The following USP3 variants were observed in gnomAD, a reference collection of about 807,000 sequenced individuals.
The protein encoded by USP3 is ubiquitin carboxyl-terminal hydrolase 3.
In USP3, 20 loss-of-function variants were observed where a neutral mutation model predicts 72.3. The observed-to-expected ratio is 0.28, with a 90% confidence interval of 0.19 to 0.40. The LOEUF (loss-of-function observed/expected upper bound fraction) is 0.40. Among genes scored for constraint, USP3 ranks in the 10% least tolerant of loss-of-function variants. The probability of loss-of-function intolerance (pLI) is 1.00; values close to 1 mark genes in which losing one functional copy is unlikely to be tolerated. For synonymous variants in USP3, 222 were observed against 225.3 expected (o/e 0.99, Z 0.13); for missense variants, 479 against 633.9 (o/e 0.76, Z 2.62).
Position 63,550,753 on chromosome 15 carries a change from G to A in USP3, c.285-2962G>A, listed in dbSNP as rs188621688. Among the ~76,000 whole-genome samples the A allele has an allele frequency of 1.0e-3, 153 of 152,200 alleles. 1 individual carries two copies. Among genetic ancestry groups the A allele is most frequent in the African/African-American group, 3.4e-3 (141 of 41,532 alleles). On this transcript the variant is annotated intron_variant, in intron 3 of 14. Transcript: ENST00000380324. ...GTGTCTCAAAGATTTTTCACTTTCCGTAAAATATCTTTTTAACTTTTTTCC... is the reference window on the plus strand; with the variant it reads ...GTGTCTCAAAGATTTTTCACTTTCCATAAAATATCTTTTTAACTTTTTTCC...
chr15:63,513,097 A>G (rs532203504), intron 1 of USP3, among the ~76,000 whole-genome samples: 2 of 152,266 alleles, frequency 1.3e-5, no homozygotes, highest in South Asian at 2.1e-4. Context: ...AGCTGTTTCC[A>G]TTCTTGAGTA....
intron 1 of USP3, chr15:63,515,459 G>T: frequency 6.6e-6 from 1 of 152,386 alleles, no homozygotes; most frequent in Non-Finnish European, 1.5e-5. Flanking sequence ...GCCTCTGTGT[G>T]GGAAGTCAGC....
At chr15:63,551,915 T>G (rs1272818494) in intron 3 of USP3, 4 of 152,204 alleles carry the variant, frequency 2.6e-5, no homozygotes, top group African/African-American at 9.7e-5. Context: ...AGTCTGTACT[T>G]TAACAAACGT....
intron 1 of USP3, 120 bp downstream of exon 1, chr15:63,504,950 GC>G: frequency 1.4e-6 from 1 of 696,926 alleles, no homozygotes; most frequent in South Asian, 6.5e-5. Flanking sequence ...GGCGAGCCGG[GC>G]CCGGCGGGCT....
At chr15:63,512,356 T>TCTTCCTCCTCTTCC (rs1567089144) in intron 1 of USP3, among the ~76,000 whole-genome samples, 5 of 43,318 alleles carry the variant, frequency 1.2e-4, no homozygotes, top group African/African-American at 3.6e-4. Context: ...CCTCTTCCTC[T>TCTTCCTCCTCTTCC]TCTTCTTCTT....
At chr15:63,524,932 G>T (rs1236058202) in intron 1 of USP3, among the ~76,000 whole-genome samples, 1 of 152,166 alleles carries the variant, frequency 6.6e-6, no homozygotes, top group African/African-American at 2.4e-5. Context: ...TCTCTCCATG[G>T]GAAGAATGTC....
At chr15:63,524,837 G>A (rs535623939) in intron 1 of USP3, among the ~76,000 whole-genome samples, 2 of 152,294 alleles carry the variant, frequency 1.3e-5, no homozygotes, top group South Asian at 4.1e-4. Flanking sequence ...GTTGCAGGTT[G>A]ACATAGAATC....
intron 1 of USP3, among the ~76,000 whole-genome samples, chr15:63,508,535 C>G (rs2065742923): frequency 6.6e-6 from 1 of 152,056 alleles, no homozygotes; most frequent in African/African-American, 2.4e-5. Context: ...CTAATTGTTG[C>G]TTAAGGGATT....
At chr15:63,551,384 G>A (rs1049137932) in intron 3 of USP3, 6 of 151,238 alleles carry the variant, frequency 4.0e-5, no homozygotes, top group Non-Finnish European at 8.8e-5. Context: ...TAATTTTTAA[G>A]CTAAAAAAAT....
At chr15:63,573,481 T>C (rs1345303619) in intron 9 of USP3, among the ~76,000 whole-genome samples, 2 of 152,396 alleles carry the variant, frequency 1.3e-5, no homozygotes, top group Non-Finnish European at 2.9e-5. Context: ...TTCTCCGCAG[T>C]AATATCCAGA....
At chr15:63,507,183 T>G (rs2152645268) in intron 1 of USP3, among the ~76,000 whole-genome samples, 1 of 152,302 alleles carries the variant, frequency 6.6e-6, no homozygotes, top group East Asian at 1.9e-4. Flanking sequence ...GATTATGTTC[T>G]TATTAAGGAG....
chr15:63,545,720 A>G (rs2066311418), intron 3 of USP3, among the ~76,000 whole-genome samples: 1 of 152,076 alleles, frequency 6.6e-6, no homozygotes, highest in African/African-American at 2.4e-5. Context: ...CTGTAATCCC[A>G]GCACATTGGG....
intron 1 of USP3, among the ~76,000 whole-genome samples, chr15:63,527,018 C>T (rs796448596): frequency 5.9e-5 from 9 of 152,322 alleles, no homozygotes; most frequent in East Asian, 1.9e-4. Context: ...CCTCAGCCTC[C>T]GGAGCAGCAG....
At chr15:63,534,807 G>T (rs2066130487) in intron 2 of USP3, among the ~76,000 whole-genome samples, 1 of 152,096 alleles carries the variant, frequency 6.6e-6, no homozygotes. Context: ...CTGTAGCAAT[G>T]AATTACTGTT....
At chr15:63,560,816 A>G (rs181319017) in intron 7 of USP3, among the ~76,000 whole-genome samples, 20 of 152,298 alleles carry the variant, frequency 1.3e-4, no homozygotes, top group Admixed American at 1.2e-3. Flanking sequence ...CACATTTTTC[A>G]TAACTTTACA....
In USP3 at chr15:63,580,416, T is replaced by TA. The variant is rs1056696229; in HGVS notation, c.1096+6019dup. On this transcript the variant is annotated intron_variant, in intron 11 of 14. Coordinates refer to ENST00000380324, the MANE Select transcript of USP3 (RefSeq NM_006537.4). Reference sequence around the variant, plus strand: ...TTTATAATACCTATTTGGGGGATAGTAAAAAATGCATATTAACTTAATGTA... The same window carrying TA: ...TTTATAATACCTATTTGGGGGATAGTAAAAAAATGCATATTAACTTAATGTA... 7.2e-4 allele frequency among the ~76,000 whole-genome samples: 109 copies of TA among 151,928 alleles called. 1 individual carries two copies. The Middle Eastern group carries it at 0.01, about 14-fold the overall frequency.
At chr15:63,520,688 C>T (rs888765740) in intron 1 of USP3, among the ~76,000 whole-genome samples, 1 of 151,356 alleles carries the variant, frequency 6.6e-6, no homozygotes, top group African/African-American at 2.4e-5. Flanking sequence ...CTCAGCCTCC[C>T]GAGTGGCTGG....
Position 63,575,158 on chromosome 15 carries a change from G to T in USP3, c.1096+755G>T, listed in dbSNP as rs796631118. Reference sequence around the variant, plus strand: ...TATTTTAGGGAGTATTGTCATGATGGTTTTTTTTTTTTTTTTTTTTTACAA... The same window carrying T: ...TATTTTAGGGAGTATTGTCATGATGTTTTTTTTTTTTTTTTTTTTTTACAA... On this transcript the variant is annotated intron_variant, in intron 11 of 14. Coordinates refer to ENST00000380324, the MANE Select transcript of USP3 (RefSeq NM_006537.4). Among the ~76,000 whole-genome samples the T allele has an allele frequency of 3.3e-3, 399 of 121,476 alleles. 4 individuals carry two copies. Among genetic ancestry groups the T allele is most frequent in the African/African-American group, 0.012 (375 of 32,318 alleles). 79.7% of individuals were successfully genotyped at this position (121,476 alleles called of 152,430 possible).
At chr15:63,548,040 G>C (rs2066378035) in intron 3 of USP3, among the ~76,000 whole-genome samples, 1 of 123,384 alleles carries the variant, frequency 8.1e-6, no homozygotes, top group Non-Finnish European at 1.6e-5. Flanking sequence ...GAGCCAGGGA[G>C]ACGGAGGTTG....
Sources: gnomAD v4.1 joint callset for allele counts (sites outside exome capture counted in the v4.1 genomes callset) on GRCh38, gnomAD v4.1.1 for gene constraint, MANE v1.5 for transcripts, NCBI Gene and HGNC (gene_info 2026-07-23, HGNC 2026-07-21) for gene names.